The following PLEKHG4B variants were observed in gnomAD, a reference collection of about 807,000 sequenced individuals.
PLEKHG4B encodes pleckstrin homology and RhoGEF domain containing G4B, also known as pleckstrin homology domain-containing family G member 4B.
PLEKHG4B carries 111 observed loss-of-function variants against 121.3 expected under a neutral mutation model. The observed-to-expected ratio is 0.92, with a 90% confidence interval of 0.78 to 1.07. PLEKHG4B has a LOEUF of 1.07. Ranked by LOEUF, PLEKHG4B falls within the 50% of genes least tolerant of loss-of-function variation. The pLI is 0.00. For synonymous variants in PLEKHG4B, 738 were observed against 725.0 expected (o/e 1.02, Z -0.29); for missense variants, 1,831 against 1,757.8 (o/e 1.04, Z -0.74).
At position 156,106 on chromosome 5, in the gene PLEKHG4B, G is replaced by C. The variant is rs1735771319; in HGVS notation, c.2244G>C (p.Met748Ile). The C allele has an allele frequency of 1.2e-6, 2 of 1,600,248 alleles. No homozygotes were observed. Among genetic ancestry groups the C allele is most frequent in the Non-Finnish European group, 1.7e-6 (2 of 1,172,928 alleles). The stretch of plus-strand genomic sequence containing the variant: ...AGTTAATTGACCAGCATGAGACGAT[G>C]ATGAAGCTTGTCCTGGAAGACCCAC... ...VAELIDQHET[M>I]MKLVLEDPLL... The change falls in exon 10 of 20, where the codon ATG becomes ATC. Residue 748 changes from methionine to isoleucine, a missense_variant. Met to Ile is a conservative substitution (Grantham distance 10, BLOSUM62 1). Transcript: ENST00000637938. The surrounding 1 kb of genome is among the most constrained non-coding windows in gnomAD (Gnocchi z 4.4).
At position 182,133 on chromosome 5, in the gene PLEKHG4B, C is replaced by T. The variant is rs754710502; in HGVS notation, c.4694C>T (p.Ser1565Leu). The T allele has an allele frequency of 7.4e-6, 12 of 1,613,932 alleles. No homozygotes were observed. The highest frequency in any genetic ancestry group is 2.2e-5 in the East Asian group (1 of 44,896). Residue 1565 changes from serine to leucine, a missense_variant, in exon 20 of 20, where the codon TCG becomes TTG. Transcript: ENST00000637938. ...AGCCAGTCCTCCTCCATCCTGGGGT[C>T]GCTGGGCCTGCTTGTGTCCTCCAGC... ...SSSQSSSILG[S>L]LGLLVSSSPA...
intron 2 of PLEKHG4B, among the ~76,000 whole-genome samples, chr5:124,437 A>T (rs1423261608): frequency 2.0e-5 from 3 of 152,220 alleles, no homozygotes; most frequent in Admixed American, 2.0e-4. Context: ...TTAAAAATAC[A>T]TCTTCTGTCT....
At chr5:117,884 C>T (rs1227622682) in intron 2 of PLEKHG4B, among the ~76,000 whole-genome samples, 5 of 151,878 alleles carry the variant, frequency 3.3e-5, no homozygotes, top group Non-Finnish European at 7.4e-5. Context: ...GAAAAGTAAT[C>T]AGAAAAATAT....
intron 11 of PLEKHG4B, among the ~76,000 whole-genome samples, chr5:158,132 T>G (rs1735854400): frequency 6.6e-6 from 1 of 152,084 alleles, no homozygotes; most frequent in Non-Finnish European, 1.5e-5. Flanking sequence ...GTCTGTGCCC[T>G]CTGTCCTGGG....
chr5:112,297 G>A (rs1734181244), intron 1 of PLEKHG4B, among the ~76,000 whole-genome samples: 2 of 152,170 alleles, frequency 1.3e-5, no homozygotes, highest in Non-Finnish European at 2.9e-5. Flanking sequence ...CAGCTGACAA[G>A]ACAGACCCTT....
chr5:174,151 C>A, intron 18 of PLEKHG4B, 53 bp downstream of exon 18: 1 of 768,798 alleles, frequency 1.3e-6, no homozygotes, highest in Non-Finnish European at 1.8e-6. Context: ...CAGCTAGGGG[C>A]AGGGGTCGGG....
rs1733424675 is a variant in PLEKHG4B at position 182,114 on chromosome 5, T to A, written c.4675T>A (p.Ser1559Thr). ...CAGCACCTCCTCTTCTAGCAGCCAG[T>A]CCTCCTCCATCCTGGGGTCGCTGGG... Reference protein sequence around the residue: ...DSSTSSSSSQSSSILGSLGLL... With the variant: ...DSSTSSSSSQTSSILGSLGLL... Residue 1559 changes from serine to threonine, a missense_variant, in exon 20 of 20, where the codon TCC becomes ACC. By Grantham distance (58) the Ser-to-Thr change is moderately conservative. Transcript: ENST00000637938. The A allele has an allele frequency of 6.2e-7, 1 of 1,614,068 alleles. No homozygotes were observed. Among genetic ancestry groups the A allele is most frequent in the Non-Finnish European group, 8.5e-7 (1 of 1,180,032 alleles).
At chr5:168,632 T>G (rs1187164294) in intron 13 of PLEKHG4B, among the ~76,000 whole-genome samples, 1 of 152,162 alleles carries the variant, frequency 6.6e-6, no homozygotes, top group Non-Finnish European at 1.5e-5. Context: ...GAGTTTCAGT[T>G]AGGAAGCCTG....
Position 182,136 on chromosome 5 carries a change from T to C in PLEKHG4B, c.4697T>C (p.Leu1566Pro). 1.2e-6 allele frequency: 2 copies of C among 1,614,024 alleles called. No homozygotes were observed. Among genetic ancestry groups the C allele is most frequent in the Non-Finnish European group, 1.7e-6 (2 of 1,180,036 alleles). ...SSQSSSILGS[L>P]GLLVSSSPAH... ...CAGTCCTCCTCCATCCTGGGGTCGC[T>C]GGGCCTGCTTGTGTCCTCCAGCCCA... The change falls in exon 20 of 20, where the codon CTG becomes CCG. Residue 1566 changes from leucine to proline, a missense_variant. Leu to Pro is a moderately conservative substitution (Grantham distance 98). Coordinates refer to ENST00000637938, the MANE Select transcript of PLEKHG4B (RefSeq NM_052909.5).
rs758768356 is a variant in PLEKHG4B at position 181,585 on chromosome 5, C to T, written c.4474C>T (p.Arg1492Trp). 1.4e-5 allele frequency: 22 copies of T among 1,613,940 alleles called. No individual in the cohort carries two copies. The Admixed American group carries it at 1.5e-4, about 11-fold the overall frequency. Residue 1492 changes from arginine (R) to tryptophan (W), a missense_variant, in exon 19 of 20, where the codon CGG becomes TGG. By Grantham distance (101) the Arg-to-Trp change is moderately radical (BLOSUM62 -3). Coordinates refer to ENST00000637938, the MANE Select transcript of PLEKHG4B (RefSeq NM_052909.5). ...QPFMDVKPRD[R>W]TPDCAVISDR... Reference sequence around the variant, plus strand: ...ATTCATGGATGTCAAGCCCAGAGACCGGACCCCTGACTGTGCAGTGATAAG... The same window carrying T: ...ATTCATGGATGTCAAGCCCAGAGACTGGACCCCTGACTGTGCAGTGATAAG...
chr5:142,976 C>G (rs1057408357), intron 3 of PLEKHG4B, 71 bp from the exon 4 acceptor site: 4 of 1,416,720 alleles, frequency 2.8e-6, no homozygotes, highest in Non-Finnish European at 4.0e-6. Flanking sequence ...TCATAGCAAG[C>G]TGAGCATAGC....
intron 2 of PLEKHG4B, among the ~76,000 whole-genome samples, chr5:118,310 C>T (rs190760523): frequency 9.8e-5 from 15 of 152,302 alleles, no homozygotes; most frequent in South Asian, 6.2e-4. Context: ...CAAAAGCAGA[C>T]GGGGTAAGCA....
Position 188,614 on chromosome 5 carries a change from C to T in PLEKHG4B, c.*6291C>T, listed in dbSNP as rs1164925142. On this transcript the variant is annotated 3_prime_UTR_variant, in exon 20 of 20. Transcript: ENST00000637938. Reference sequence around the variant, plus strand: ...CGAGACAGACGCTCTTGTTCCGGATCAGAGCAGCAGACAGAACCGGCACTT... The same window carrying T: ...CGAGACAGACGCTCTTGTTCCGGATTAGAGCAGCAGACAGAACCGGCACTT... 2 of 152,282 alleles carry T rather than the reference C, an allele frequency of 1.3e-5. No homozygotes were observed. Among genetic ancestry groups the T allele is most frequent in the Non-Finnish European group, 2.9e-5 (2 of 68,058 alleles). 9.4% of individuals were successfully genotyped at this position (152,282 alleles called of 1,614,324 possible).
intron 11 of PLEKHG4B, among the ~76,000 whole-genome samples, chr5:158,772 C>T (rs1735890719): frequency 6.8e-6 from 1 of 147,680 alleles, no homozygotes; most frequent in Non-Finnish European, 1.5e-5. Flanking sequence ...CCCCTCCTCC[C>T]TCTGCTCTTC....
intron 1 of PLEKHG4B, among the ~76,000 whole-genome samples, chr5:97,867 G>A (rs1021739101): frequency 6.6e-6 from 1 of 152,014 alleles, no homozygotes; most frequent in Non-Finnish European, 1.5e-5. Flanking sequence ...CACCAGACTC[G>A]CTCCATAGCA....
chr5:151,806 C>T (rs1041970194), intron 7 of PLEKHG4B, among the ~76,000 whole-genome samples: 5 of 152,228 alleles, frequency 3.3e-5, no homozygotes, highest in African/African-American at 1.2e-4. Context: ...TTCTTCTCCA[C>T]CTCATATGGT....
chr5:163,550 TGAGGTG>T lies in PLEKHG4B; in HGVS notation c.3476+5_3476+10del, dbSNP rs761010446. The T allele has an allele frequency of 7.0e-6, 11 of 1,578,060 alleles. No homozygotes were observed. The highest frequency in any genetic ancestry group is 9.5e-6 in the Non-Finnish European group (11 of 1,162,126). On this transcript the variant is annotated splice_donor_5th_base_variant and intron_variant, in intron 13 of 19. Coordinates refer to ENST00000637938, the MANE Select transcript of PLEKHG4B (RefSeq NM_052909.5). ...GGATGGGAGGCAGCAGGTGGGCAGGTGAGGTGGACGTCCCCCTCCTCTCGTCCTAGC... is the reference window on the plus strand; with the variant it reads ...GGATGGGAGGCAGCAGGTGGGCAGGTGACGTCCCCCTCCTCTCGTCCTAGC...
intron 6 of PLEKHG4B, among the ~76,000 whole-genome samples, chr5:147,974 A>G (rs1319853808): frequency 6.6e-6 from 1 of 152,208 alleles, no homozygotes; most frequent in Non-Finnish European, 1.5e-5. Context: ...GAAGGGGGAA[A>G]AACACATGAT....
chr5:115,341 G>A lies in PLEKHG4B; in HGVS notation c.243+1893G>A, dbSNP rs578117612. 1.4e-4 allele frequency among the ~76,000 whole-genome samples: 22 copies of A among 152,292 alleles called. No homozygotes were observed. The South Asian group carries it at 4.6e-3, about 32-fold the overall frequency. Reference sequence around the variant, plus strand: ...CTGTAAACAGACGTGCTGTCATCCAGGCTTTGTTGTTCTATTTATAGAGCA... The same window carrying A: ...CTGTAAACAGACGTGCTGTCATCCAAGCTTTGTTGTTCTATTTATAGAGCA... On this transcript the variant is annotated intron_variant, in intron 2 of 19. Transcript: ENST00000637938.
Sources: gnomAD v4.1 joint callset for allele counts (sites outside exome capture counted in the v4.1 genomes callset) on GRCh38, gnomAD v4.1.1 for gene constraint, Gnocchi (gnomAD v3.1) non-coding constraint, MANE v1.5 for transcripts, NCBI Gene and HGNC (gene_info 2026-07-23, HGNC 2026-07-21) for gene names.